ST18: variants seen among roughly 807,000 people sequenced by gnomAD.
The protein encoded by ST18 is suppression of tumorigenicity 18 protein.
Under a neutral mutation model 110.0 loss-of-function variants are expected in ST18, and 50 were observed. The observed-to-expected ratio is 0.45, with a 90% CI of 0.36 to 0.58. The LOEUF is 0.58. Ranked by LOEUF, ST18 falls within the 20% of genes least tolerant of loss-of-function variation. The pLI is 0.00. For missense variants in ST18, 1,306 were observed against 1,280.1 expected (o/e 1.02, Z -0.31); for synonymous variants, 461 against 452.4 (o/e 1.02, Z -0.24).
rs1207459217 is a variant in ST18 at position 52,158,952 on chromosome 8, G to A, written c.1752C>T (p.Arg584=). The A allele has an allele frequency of 1.2e-6, 2 of 1,614,072 alleles. No homozygotes were observed. The highest frequency in any genetic ancestry group is 1.7e-5 in the Admixed American group (1 of 60,020). Residue 584 remains arginine (R), a synonymous_variant, in exon 15 of 26, where the codon CGC becomes CGT. Coordinates refer to ENST00000689386, the MANE Select transcript of ST18 (RefSeq NM_001352837.2). Reference sequence around the variant, plus strand: ...AGAGGATGTCTGTGGCTTCCCTGCAGCGGGTGGAAAGGTTCAGGATGGCAG... The same window carrying A: ...AGAGGATGTCTGTGGCTTCCCTGCAACGGGTGGAAAGGTTCAGGATGGCAG... ...AAAAILNLST[R]CREATDILSN...
At chr8:52,271,892 G>A (rs992300897) in intron 2 of ST18, among the ~76,000 whole-genome samples, 5 of 152,182 alleles carry the variant, frequency 3.3e-5, no homozygotes, top group African/African-American at 1.2e-4. Context: ...GCTAAACTTA[G>A]GTTTATATAT....
At chr8:52,360,770 A>G (rs984421495) in intron 2 of ST18, among the ~76,000 whole-genome samples, 2 of 152,162 alleles carry the variant, frequency 1.3e-5, no homozygotes, top group Non-Finnish European at 2.9e-5. Context: ...GAACAATGTA[A>G]TTGTTGGGGA....
intron 15 of ST18, among the ~76,000 whole-genome samples, chr8:52,153,255 C>G (rs1009948459): frequency 1.1e-4 from 16 of 152,206 alleles, no homozygotes; most frequent in African/African-American, 3.9e-4. Flanking sequence ...GTTTTCCTGA[C>G]TTGGCAAGCT....
In ST18 at chr8:52,309,810, A is replaced by T. The variant is rs2095874432; in HGVS notation, c.-464-79733T>A. Among the ~76,000 whole-genome samples the T allele has an allele frequency of 1.3e-5, 2 of 152,206 alleles. 1 individual carries two copies. Among genetic ancestry groups the T allele is most frequent in the South Asian group, 4.2e-4 (2 of 4,806 alleles). On this transcript the variant is annotated intron_variant, in intron 2 of 25. Transcript: ENST00000689386. The stretch of plus-strand genomic sequence containing the variant: ...AGACCACCATGACCTACTCAGATTC[A>T]GGGCATTATGGACTCCAGAGTCAGC...
intron 2 of ST18, among the ~76,000 whole-genome samples, chr8:52,283,881 T>A (rs2095426971): frequency 6.6e-6 from 1 of 152,158 alleles, no homozygotes; most frequent in African/African-American, 2.4e-5. Flanking sequence ...ACGGGAGGTT[T>A]AAGAAGACAA....
intron 2 of ST18, among the ~76,000 whole-genome samples, chr8:52,240,007 T>C (rs1478650115): frequency 1.3e-5 from 2 of 152,154 alleles, no homozygotes; most frequent in African/African-American, 4.8e-5. Context: ...TTGTCCAGGC[T>C]AGTCTCGAAC....
At chr8:52,185,188 T>G (rs561126202) in intron 8 of ST18, among the ~76,000 whole-genome samples, 1 of 152,144 alleles carries the variant, frequency 6.6e-6, no homozygotes, top group South Asian at 2.1e-4. Flanking sequence ...ACATTTACAA[T>G]AGCATAGAAA....
chr8:52,168,284 G>T (rs559059536), intron 10 of ST18, among the ~76,000 whole-genome samples: 1 of 150,018 alleles, frequency 6.7e-6, no homozygotes, highest in South Asian at 2.2e-4. Context: ...AGGCAGTGTG[G>T]TCCTGCCCGA....
intron 2 of ST18, among the ~76,000 whole-genome samples, chr8:52,245,374 T>C (rs577021048): frequency 6.6e-6 from 1 of 152,282 alleles, no homozygotes; most frequent in Admixed American, 6.5e-5. Flanking sequence ...TAAGGGTAAC[T>C]AAGTTTTATC....
chr8:52,113,447 A>G (rs1586010070), intron 25 of ST18, 109 bp from the exon 26 acceptor site: 2 of 1,311,734 alleles, frequency 1.5e-6, no homozygotes, highest in East Asian at 4.7e-5. Flanking sequence ...AGGGAAGGCA[A>G]GGGTGCATAT....
chr8:52,303,215 G>C (rs187382398), intron 2 of ST18, among the ~76,000 whole-genome samples: 10 of 152,208 alleles, frequency 6.6e-5, no homozygotes, highest in African/African-American at 2.4e-4. Flanking sequence ...CCCTCTGAAG[G>C]CTTGGGGAAG....
Position 52,185,354 on chromosome 8 carries a change from A to G in ST18, c.87-5042T>C, listed in dbSNP as rs529621647. On this transcript the variant is annotated intron_variant, in intron 8 of 25. Coordinates refer to ENST00000689386, the MANE Select transcript of ST18 (RefSeq NM_001352837.2). ...AGCAATTTCAACTCTCCCCTTCTTT[A>G]TCTATTAGATTCAATGCAATTCCTA... Among the ~76,000 whole-genome samples, 4 of 152,240 alleles carry G rather than the reference A, an allele frequency of 2.6e-5. No individual in the cohort carries two copies. In the South Asian group the frequency reaches 6.2e-4, roughly 24 times the overall value.
chr8:52,141,373 G>A (rs938265608), intron 17 of ST18, among the ~76,000 whole-genome samples: 7 of 152,200 alleles, frequency 4.6e-5, no homozygotes, highest in Non-Finnish European at 8.8e-5. Context: ...TGCATATTAT[G>A]CACCAATGGT....
At chr8:52,131,808 C>A (rs569114234) in intron 22 of ST18, 150 bp downstream of exon 22, 18 of 611,002 alleles carry the variant, frequency 2.9e-5, no homozygotes, top group Non-Finnish European at 5.1e-5. Flanking sequence ...TCATGCTCAT[C>A]CAGTATCTAT....
intron 2 of ST18, among the ~76,000 whole-genome samples, chr8:52,399,159 T>A (rs1345060541): frequency 6.6e-6 from 1 of 152,068 alleles, no homozygotes; most frequent in African/African-American, 2.4e-5. Context: ...CCTGATTCAA[T>A]CTTGGTAGGT....
rs189069819 is a variant in ST18 at position 52,160,583 on chromosome 8, T to C, written c.1594+792A>G. On this transcript the variant is annotated intron_variant, in intron 14 of 25. Transcript: ENST00000689386. The stretch of plus-strand genomic sequence containing the variant: ...GAACTCAATGTGCACATTATTTAGC[T>C]CTTTCCTTTGTGGAAGTTAAGTGAC... Among the ~76,000 whole-genome samples the C allele has an allele frequency of 7.4e-3, 1,134 of 152,332 alleles. 16 individuals carry two copies. Among genetic ancestry groups the C allele is most frequent in the Admixed American group, 0.038 (587 of 15,300 alleles).
rs762501509 is a variant in ST18, at chr8:52,277,190, G to A, written c.-464-47113C>T. On this transcript the variant is annotated intron_variant, in intron 2 of 25. Coordinates refer to ENST00000689386, the MANE Select transcript of ST18 (RefSeq NM_001352837.2). ...AGAGGCCTCGGGAGCCGCAGGAAGCGCTCTGGATGTGAGAAACAGAGACCA... is the reference window on the plus strand; with the variant it reads ...AGAGGCCTCGGGAGCCGCAGGAAGCACTCTGGATGTGAGAAACAGAGACCA... Among the ~76,000 whole-genome samples the A allele has an allele frequency of 1.2e-4, 18 of 152,332 alleles. 1 individual carries two copies. The highest frequency in any genetic ancestry group is 6.2e-4 in the South Asian group (3 of 4,826).
At chr8:52,342,411 T>A (rs6473709) in intron 2 of ST18, among the ~76,000 whole-genome samples, 149,891 of 152,310 alleles carry the variant, frequency 0.98, 73,801 homozygotes, top group Middle Eastern at 1. Context: ...GGAGACCAAC[T>A]GCTGTTGCTA....
intron 2 of ST18, among the ~76,000 whole-genome samples, chr8:52,376,941 A>T (rs1832636671): frequency 6.6e-6 from 1 of 152,186 alleles, no homozygotes; most frequent in Middle Eastern, 3.2e-3. Flanking sequence ...AATGCAGCTA[A>T]ACTCTGTTCC....
Sources: gnomAD v4.1 joint callset for allele counts (sites outside exome capture counted in the v4.1 genomes callset) on GRCh38, gnomAD v4.1.1 for gene constraint, MANE v1.5 for transcripts, NCBI Gene and HGNC (gene_info 2026-07-23, HGNC 2026-07-21) for gene names.